The following RUBCNL variants were observed in gnomAD, a reference collection of about 807,000 sequenced individuals.
The protein encoded by RUBCNL is rubicon like autophagy enhancer.
RUBCNL carries 62 observed loss-of-function variants against 69.5 expected under a neutral mutation model. The ratio of observed to expected loss-of-function variants is 0.89; its 90% confidence interval spans 0.73 to 1.10. The LOEUF is 1.10. Ranked by LOEUF, RUBCNL falls within the 50% of genes least tolerant of loss-of-function variation. RUBCNL has a pLI of 0.00. For synonymous variants in RUBCNL, 291 were observed against 303.6 expected (o/e 0.96, Z 0.43); for missense variants, 768 against 798.1 (o/e 0.96, Z 0.45).
chr13:46,372,408 G>C lies in RUBCNL; in HGVS notation c.68C>G (p.Ser23Cys). 1 of 1,613,494 alleles carries C rather than the reference G, an allele frequency of 6.2e-7. No individual in the cohort carries two copies. The change falls in exon 3 of 15, where the codon TCT (serine) becomes TGT (cysteine). Residue 23 changes from serine to cysteine, a missense_variant. Physicochemically the swap from Ser to Cys is moderately radical, Grantham distance 112. Transcript: ENST00000429979. ...TCTGGGCGAACCATCAATAATGCCA[G>C]AGTGATCGCTGATCCCTTCCCAGGG... ...VEPWEGISDH[S>C]GIIDGSPRLL...
At chr13:46,354,240 G>A (rs984335168) in intron 10 of RUBCNL, among the ~76,000 whole-genome samples, 2 of 152,134 alleles carry the variant, frequency 1.3e-5, no homozygotes, top group African/African-American at 4.8e-5. Context: ...AACAGATAAA[G>A]GATGTTACTG....
intron 1 of RUBCNL, among the ~76,000 whole-genome samples, chr13:46,380,197 G>A (rs2049088957): frequency 6.6e-6 from 1 of 152,184 alleles, no homozygotes; most frequent in African/African-American, 2.4e-5. Context: ...AGAGAAATGG[G>A]TAAGTAAGAA....
chr13:46,355,339 G>T (rs2048462660), intron 10 of RUBCNL, among the ~76,000 whole-genome samples: 2 of 150,428 alleles, frequency 1.3e-5, no homozygotes, highest in Non-Finnish European at 3.0e-5. Context: ...TTGTCATGCA[G>T]GCTGGAGTAC....
chr13:46,371,550 C>T (rs1380214703), intron 3 of RUBCNL, among the ~76,000 whole-genome samples: 1 of 152,182 alleles, frequency 6.6e-6, no homozygotes, highest in Admixed American at 6.5e-5. Flanking sequence ...GAAGTGACTT[C>T]ACCACCTACT....
chr13:46,337,384 G>A lies in RUBCNL; in HGVS notation c.*6001C>T, dbSNP rs554803457. Among the ~76,000 whole-genome samples the A allele has an allele frequency of 1.3e-5, 2 of 152,220 alleles. No individual in the cohort carries two copies. The highest frequency in any genetic ancestry group is 2.4e-5 in the African/African-American group (1 of 41,532). On this transcript the variant is annotated 3_prime_UTR_variant, in exon 15 of 15. Transcript: ENST00000429979. ...AATCTCCTGACCTCGTGATATGCCT[G>A]TCTCAGCCTGAGGCATATATCTCAA... is the stretch of plus-strand genomic sequence containing the variant.
intron 1 of RUBCNL, among the ~76,000 whole-genome samples, chr13:46,384,734 T>G (rs2049199479): frequency 6.6e-6 from 1 of 152,224 alleles, no homozygotes; most frequent in Admixed American, 6.5e-5. Context: ...AGCCTACTGA[T>G]GACAAAAAGG....
Position 46,345,519 on chromosome 13 carries a change from G to C in RUBCNL, c.1713C>G (p.Ile571Met). The change falls in exon 13 of 15, where the codon ATC becomes ATG. Residue 571 changes from isoleucine to methionine, a missense_variant. Coordinates refer to ENST00000429979, the MANE Select transcript of RUBCNL (RefSeq NM_025113.5). ...GTAAGGGTGCCAGCAGCCCTTTCTT[G>C]ATCCTGACCAGGTCCTCAAGGGAGA... ...HLFSLEDLVR[I>M]KKGLLAPLLK... 6.2e-7 allele frequency: 1 copy of C among 1,611,312 alleles called. No homozygotes were observed. Among genetic ancestry groups the C allele is most frequent in the Non-Finnish European group, 8.5e-7 (1 of 1,178,750 alleles).
At position 46,340,575 on chromosome 13, in the gene RUBCNL, T is replaced by C. The variant is rs1033777109; in HGVS notation, c.*2810A>G. Reference sequence around the variant, plus strand: ...GTCTATTTGTGTTGCTATAAAGGAATACCTGAGGCTGGGTGATTTATAAAG... The same window carrying C: ...GTCTATTTGTGTTGCTATAAAGGAACACCTGAGGCTGGGTGATTTATAAAG... On this transcript the variant is annotated 3_prime_UTR_variant, in exon 15 of 15. Coordinates refer to ENST00000429979, the MANE Select transcript of RUBCNL (RefSeq NM_025113.5). Among the ~76,000 whole-genome samples, 4 of 152,192 alleles carry C rather than the reference T, an allele frequency of 2.6e-5. No individual in the cohort carries two copies. The highest frequency in any genetic ancestry group is 5.9e-5 in the Non-Finnish European group (4 of 68,014).
chr13:46,370,221 T>C (rs142823105), intron 3 of RUBCNL, among the ~76,000 whole-genome samples: 176 of 152,330 alleles, frequency 1.2e-3, no homozygotes, highest in African/African-American at 4.0e-3. Context: ...AATTGGGATA[T>C]TTATCAGGAC....
At position 46,338,873 on chromosome 13, in the gene RUBCNL, C is replaced by T. The variant is rs2048121566; in HGVS notation, c.*4512G>A. 1.3e-5 allele frequency among the ~76,000 whole-genome samples: 2 copies of T among 151,910 alleles called. No individual in the cohort carries two copies. Among genetic ancestry groups the T allele is most frequent in the South Asian group, 2.1e-4 (1 of 4,812 alleles). On this transcript the variant is annotated 3_prime_UTR_variant, in exon 15 of 15. Coordinates refer to ENST00000429979, the MANE Select transcript of RUBCNL (RefSeq NM_025113.5). ...CAGCCTGGCCAACATGGCGAAACCC[C>T]GTCTCTACCAAAAACAGAAAAAAAT...
At chr13:46,365,302 CAAA>C (rs34280215) in intron 5 of RUBCNL, among the ~76,000 whole-genome samples, 6 of 59,456 alleles carry the variant, frequency 1.0e-4, no homozygotes, top group Admixed American at 6.0e-4. Flanking sequence ...GACTCCATCT[CAAA>C]AAAAAAAAAA....
At chr13:46,349,804 G>A (rs2048330296) in intron 11 of RUBCNL, among the ~76,000 whole-genome samples, 1 of 151,754 alleles carries the variant, frequency 6.6e-6, no homozygotes, top group African/African-American at 2.4e-5. Flanking sequence ...AGCCTCTCGA[G>A]TAGCTGGGAT....
rs1303545095 is a variant in RUBCNL at position 46,335,227 on chromosome 13, G to A, written c.*8158C>T. Among the ~76,000 whole-genome samples the A allele has an allele frequency of 6.8e-6, 1 of 147,860 alleles. No individual in the cohort carries two copies. Among genetic ancestry groups the A allele is most frequent in the Non-Finnish European group, 1.5e-5 (1 of 67,280 alleles). On this transcript the variant is annotated 3_prime_UTR_variant, in exon 15 of 15. Transcript: ENST00000429979. ...ATACTGGCACACACCATTGTGCCCA[G>A]CTAATTTGTGTCTTTTTGTTGTTGT... is the stretch of plus-strand genomic sequence containing the variant.
At chr13:46,381,750 T>A (rs2049122490) in intron 1 of RUBCNL, among the ~76,000 whole-genome samples, 1 of 151,990 alleles carries the variant, frequency 6.6e-6, no homozygotes. Flanking sequence ...GCCCGGCAAT[T>A]TTTGTATTTT....
chr13:46,385,013 G>A (rs914273895), intron 1 of RUBCNL, among the ~76,000 whole-genome samples: 1 of 152,088 alleles, frequency 6.6e-6, no homozygotes, highest in African/African-American at 2.4e-5. Context: ...TAAAACACTC[G>A]CACACACAGG....
At position 46,335,260 on chromosome 13, in the gene RUBCNL, G is replaced by GTTTT. The variant is rs764458781; in HGVS notation, c.*8121_*8124dup. ...GTGTCTTTTTGTTGTTGTTGTTGTT[G>GTTTT]TTTTTTTTTTTTTTTTTTTTTTTTT... On this transcript the variant is annotated 3_prime_UTR_variant, in exon 15 of 15. Transcript: ENST00000429979. 1.4e-4 allele frequency among the ~76,000 whole-genome samples: 14 copies of GTTTT among 101,890 alleles called. No homozygotes were observed. The highest frequency in any genetic ancestry group is 2.5e-4 in the African/African-American group (6 of 23,538). 66.8% of individuals were successfully genotyped at this position (101,890 alleles called of 152,430 possible). A position where few individuals can be genotyped will look rare whatever the true frequency, so the allele number is the denominator to read the frequency against.
intron 10 of RUBCNL, among the ~76,000 whole-genome samples, chr13:46,351,828 CT>C (rs57329384): frequency 6.1e-4 from 79 of 129,772 alleles, no homozygotes; most frequent in Admixed American, 9.7e-4. Flanking sequence ...GCTCTTTACA[CT>C]TTTTTTTTTT....
rs1166491398 is a variant in RUBCNL, at chr13:46,334,825, TAAG to T, written c.*8557_*8559del. ...TTTTACAAATAGGAAACCGGAGTCT[TAAG>T]AAATTTGAGCAACTTATCACAAATC... On this transcript the variant is annotated 3_prime_UTR_variant, in exon 15 of 15. Transcript: ENST00000429979. Among the ~76,000 whole-genome samples, 5 of 152,176 alleles carry T rather than the reference TAAG, an allele frequency of 3.3e-5. No individual in the cohort carries two copies. The highest frequency in any genetic ancestry group is 6.5e-5 in the Admixed American group (1 of 15,278).
intron 1 of RUBCNL, among the ~76,000 whole-genome samples, chr13:46,379,746 C>T (rs1485801886): frequency 1.3e-5 from 2 of 152,160 alleles, no homozygotes; most frequent in African/African-American, 4.8e-5. Flanking sequence ...TAAACAAATA[C>T]TGAGTAGAGC....
Sources: gnomAD v4.1 joint callset for allele counts (sites outside exome capture counted in the v4.1 genomes callset) on GRCh38, gnomAD v4.1.1 for gene constraint, MANE v1.5 for transcripts, NCBI Gene and HGNC (gene_info 2026-07-23, HGNC 2026-07-21) for gene names.